The following WDFY4 variants were observed in gnomAD, a reference collection of about 807,000 sequenced individuals.
WDFY4 encodes WD repeat- and FYVE domain-containing protein 4.
WDFY4 carries 169 observed loss-of-function variants against 351.9 expected under a neutral mutation model. The observed-to-expected ratio is 0.48, with a 90% CI of 0.42 to 0.55. The LOEUF is 0.55. Among genes scored for constraint, WDFY4 ranks in the 20% least tolerant of loss-of-function variants. WDFY4 has a pLI of 0.00. For missense variants in WDFY4, 3,803 were observed against 3,935.6 expected (o/e 0.97, Z 0.90); for synonymous variants, 1,622 against 1,574.6 (o/e 1.03, Z -0.71).
intron 47 of WDFY4, among the ~76,000 whole-genome samples, chr10:48,903,308 A>T (rs1266917318): frequency 6.6e-6 from 1 of 152,196 alleles, no homozygotes; most frequent in Non-Finnish European, 1.5e-5. Context: ...GAAGCGTTGG[A>T]GGATTTTAAG....
At chr10:48,901,910 T>G (rs1395102631) in intron 47 of WDFY4, 47 bp downstream of exon 47, 1 of 1,504,926 alleles carries the variant, frequency 6.6e-7, no homozygotes, top group Non-Finnish European at 9.1e-7. Flanking sequence ...TGCCCTGGCT[T>G]TGATGTTCCT....
intron 46 of WDFY4, 144 bp from the exon 47 acceptor site, chr10:48,901,657 C>G: frequency 1.3e-6 from 1 of 785,280 alleles, no homozygotes; most frequent in Admixed American, 2.1e-5. Context: ...TACACCCAGG[C>G]CTGGTGTTCA....
chr10:48,908,956 T>G (rs1837773756), intron 47 of WDFY4, among the ~76,000 whole-genome samples: 1 of 152,236 alleles, frequency 6.6e-6, no homozygotes, highest in African/African-American at 2.4e-5. Flanking sequence ...GAATCATGAA[T>G]CTGTTTTTCA....
At chr10:48,843,568 A>T (rs997624870) in intron 39 of WDFY4, among the ~76,000 whole-genome samples, 3 of 152,208 alleles carry the variant, frequency 2.0e-5, no homozygotes, top group African/African-American at 4.8e-5. Context: ...TTCAGAAAAA[A>T]AATGTATACT....
rs1055749908 is a variant in WDFY4, at chr10:48,901,931, A to T, written c.7586+68A>T. On this transcript the variant is annotated intron_variant, in intron 47 of 61. Coordinates refer to ENST00000325239, the MANE Select transcript of WDFY4 (RefSeq NM_001394531.1). ...GGCTTTGATGTTCCTCCTCTGCCTC[A>T]TCCCACTCTAAAGAAGTCTTGCAGA... The T allele has an allele frequency of 5.0e-6, 7 of 1,412,452 alleles. No individual in the cohort carries two copies. In the East Asian group the frequency reaches 1.2e-4, roughly 25 times the overall value. 87.5% of individuals were successfully genotyped at this position (1,412,452 alleles called of 1,614,324 possible). A position where few individuals can be genotyped will look rare whatever the true frequency, so the allele number is the denominator to read the frequency against.
chr10:48,894,467 G>C (rs147474664), intron 44 of WDFY4, among the ~76,000 whole-genome samples: 3 of 152,206 alleles, frequency 2.0e-5, no homozygotes, highest in African/African-American at 7.2e-5. Context: ...CCTTGGAAAA[G>C]TCTCACCTCT....
intron 24 of WDFY4, among the ~76,000 whole-genome samples, chr10:48,799,900 T>G (rs1373658117): frequency 2.0e-5 from 3 of 152,208 alleles, no homozygotes; most frequent in Non-Finnish European, 4.4e-5. Flanking sequence ...TTTTTGTTTT[T>G]TTTTGAGACA....
chr10:48,872,445 T>G (rs2133279934), intron 40 of WDFY4, among the ~76,000 whole-genome samples: 1 of 152,282 alleles, frequency 6.6e-6, no homozygotes, highest in Non-Finnish European at 1.5e-5. Flanking sequence ...GTGGTACCAC[T>G]GGGTAGAGGA....
At chr10:48,787,992 CCTT>C (rs1491170870) in intron 20 of WDFY4, among the ~76,000 whole-genome samples, 1 of 111,036 alleles carries the variant, frequency 9.0e-6, no homozygotes, top group East Asian at 2.4e-4. Flanking sequence ...TTCTCCTTCT[CCTT>C]CTCCTTCTCC....
At chr10:48,980,849 G>A (rs928254216) in intron 60 of WDFY4, among the ~76,000 whole-genome samples, 25 of 152,148 alleles carry the variant, frequency 1.6e-4, no homozygotes, top group African/African-American at 6.0e-4. Flanking sequence ...CCCAAATGCA[G>A]TCATTAAAAT....
intron 43 of WDFY4, 61 bp from the exon 44 acceptor site, chr10:48,890,518 C>T (rs1327002578): frequency 2.6e-6 from 4 of 1,546,578 alleles, no homozygotes; most frequent in African/African-American, 1.4e-5. Flanking sequence ...CTCCTGTTTC[C>T]CCCAAGAATC....
intron 54 of WDFY4, among the ~76,000 whole-genome samples, chr10:48,966,052 G>A (rs1280207767): frequency 6.6e-6 from 1 of 152,140 alleles, no homozygotes; most frequent in Non-Finnish European, 1.5e-5. Flanking sequence ...GTGTTCTTTG[G>A]AATATTTGAA....
At chr10:48,845,910 T>C (rs114938510) in intron 39 of WDFY4, among the ~76,000 whole-genome samples, 1,625 of 152,288 alleles carry the variant, frequency 0.011, 28 homozygotes, top group African/African-American at 0.037. Flanking sequence ...AGAGGGTACA[T>C]GCATCCATTC....
chr10:48,982,115 A>T (rs1456939183), intron 61 of WDFY4, among the ~76,000 whole-genome samples: 1 of 151,644 alleles, frequency 6.6e-6, no homozygotes. Flanking sequence ...GGTGGGGCGG[A>T]GTGGAGTGGG....
At chr10:48,700,004 G>A (rs1407930753) in intron 1 of WDFY4, among the ~76,000 whole-genome samples, 3 of 152,116 alleles carry the variant, frequency 2.0e-5, no homozygotes, top group Admixed American at 6.5e-5. Context: ...TCTGGGGCTG[G>A]GGTTCAGAAA....
At chr10:48,896,748 C>T (rs1313986425) in intron 44 of WDFY4, among the ~76,000 whole-genome samples, 1 of 152,204 alleles carries the variant, frequency 6.6e-6, no homozygotes, top group African/African-American at 2.4e-5. Context: ...AACCTCCCTG[C>T]CAAGTGCTCT....
intron 47 of WDFY4, among the ~76,000 whole-genome samples, chr10:48,929,007 G>A (rs1839818336): frequency 6.6e-6 from 1 of 152,210 alleles, no homozygotes; most frequent in Admixed American, 6.5e-5. Flanking sequence ...TGGATGTTAG[G>A]AAGAGAAAGA....
chr10:48,842,182 G>A (rs1365612853), intron 39 of WDFY4, among the ~76,000 whole-genome samples: 1 of 151,946 alleles, frequency 6.6e-6, no homozygotes, highest in Non-Finnish European at 1.5e-5. Context: ...GTTTAAGAGA[G>A]ACTGTCCTTT....
At position 48,981,357 on chromosome 10, in the gene WDFY4, C is replaced by T; in HGVS notation, c.9377-10C>T. The T allele has an allele frequency of 1.9e-6, 3 of 1,551,408 alleles. No individual in the cohort carries two copies. Among genetic ancestry groups the T allele is most frequent in the Non-Finnish European group, 2.6e-6 (3 of 1,146,680 alleles). Reference sequence around the variant, plus strand: ...GGCGTTCTAACTCTTCTCTCACATGCTCCACACAGGCCACAAGTGGGAGAA... The same window carrying T: ...GGCGTTCTAACTCTTCTCTCACATGTTCCACACAGGCCACAAGTGGGAGAA... On this transcript the variant is annotated splice_polypyrimidine_tract_variant and intron_variant, in intron 60 of 61. Coordinates refer to ENST00000325239, the MANE Select transcript of WDFY4 (RefSeq NM_001394531.1).
Sources: allele counts gnomAD v4.1 joint callset (sites outside exome capture counted in the v4.1 genomes callset), GRCh38; gene constraint gnomAD v4.1.1; transcripts MANE v1.5; gene names NCBI Gene and HGNC (gene_info 2026-07-23, HGNC 2026-07-21).